The following UQCC1 variants were observed in gnomAD, a reference collection of about 807,000 sequenced individuals.
UQCC1 encodes the protein bFGF-repressed Zic-binding protein.
A neutral mutation model predicts 48.0 loss-of-function variants in UQCC1; 38 were observed. The ratio of observed to expected loss-of-function variants is 0.79; its 90% CI spans 0.61 to 1.04. The LOEUF (loss-of-function observed/expected upper bound fraction) is 1.04, where lower values mean the gene tolerates loss of function less well. UQCC1 is among the 50% of genes least tolerant of loss of function. UQCC1 has a pLI of 0.00. For missense variants in UQCC1, 368 were observed against 381.8 expected (o/e 0.96, Z 0.30); for synonymous variants, 111 against 129.2 (o/e 0.86, Z 0.95).
chr20:35,321,283 T>TGTGTGTGTGTGTGTGTGTGTGCGCGCGC (rs1389196330), intron 7 of UQCC1, among the ~76,000 whole-genome samples: 1 of 141,536 alleles, frequency 7.1e-6, no homozygotes, highest in African/African-American at 2.9e-5. Flanking sequence ...TGTGTGTGTG[T>TGTGTGTGTGTGTGTGTGTGTGCGCGCGC]GCGCGCGCGC....
intron 8 of UQCC1, among the ~76,000 whole-genome samples, chr20:35,310,754 G>A (rs191149279): frequency 0.02 from 2,774 of 137,762 alleles, 102 homozygotes; most frequent in African/African-American, 0.072. Flanking sequence ...GTGCAGTAGC[G>A]TGATCTCAGC....
chr20:35,400,582 G>A (rs913306273), intron 1 of UQCC1, among the ~76,000 whole-genome samples: 25 of 149,858 alleles, frequency 1.7e-4, no homozygotes, highest in South Asian at 8.5e-4. Context: ...TGCAAGCTCC[G>A]CCTCCCAGGT....
chr20:35,377,524 G>A (rs532650118), intron 4 of UQCC1, among the ~76,000 whole-genome samples: 5 of 152,302 alleles, frequency 3.3e-5, no homozygotes, highest in South Asian at 2.1e-4. Context: ...ATAATTCACT[G>A]AGTACATAAC....
chr20:35,366,671 A>C, intron 5 of UQCC1, 57 bp from the exon 6 acceptor site: 1 of 1,445,604 alleles, frequency 6.9e-7, no homozygotes, highest in South Asian at 1.2e-5. Context: ...CATATTGACC[A>C]TATATTAAAT....
chr20:35,402,089 T>C (rs935812965), intron 1 of UQCC1, among the ~76,000 whole-genome samples: 5 of 152,188 alleles, frequency 3.3e-5, no homozygotes, highest in Admixed American at 6.5e-5. Flanking sequence ...TGGCATGCTA[T>C]AATACAAAAG....
chr20:35,326,162 A>T (rs1352078716), intron 7 of UQCC1, among the ~76,000 whole-genome samples: 2 of 152,212 alleles, frequency 1.3e-5, no homozygotes, highest in Non-Finnish European at 2.9e-5. Context: ...AAACAATGTG[A>T]AGTGACAACA....
chr20:35,348,504 T>C (rs964112026), intron 6 of UQCC1, among the ~76,000 whole-genome samples: 3 of 151,896 alleles, frequency 2.0e-5, no homozygotes, highest in East Asian at 3.9e-4. Context: ...ATTCTCCTGC[T>C]TCAGCCTCCC....
In UQCC1 at chr20:35,410,587, C is replaced by T. The variant is rs148242244; in HGVS notation, c.24+1353G>A. ...GTGTGGTGTGGTGCATGCCTGTCAT[C>T]CCAGCTACTCGGGAGGCTGGCACAG... On this transcript the variant is annotated intron_variant, in intron 1 of 9. Transcript: ENST00000374385. Among the ~76,000 whole-genome samples the T allele has an allele frequency of 2.7e-3, 409 of 149,146 alleles. 2 individuals carry two copies. The highest frequency in any genetic ancestry group is 9.6e-3 in the African/African-American group (392 of 40,638).
At chr20:35,338,574 C>T (rs1215186389) in intron 7 of UQCC1, among the ~76,000 whole-genome samples, 11 of 151,454 alleles carry the variant, frequency 7.3e-5, no homozygotes, top group African/African-American at 2.7e-4. Context: ...GGGCCGGGCA[C>T]GGGGGCTCAT....
rs947889863 is a variant in UQCC1, at chr20:35,403,853, T to C, written c.24+8087A>G. On this transcript the variant is annotated intron_variant, in intron 1 of 9. Transcript: ENST00000374385. The stretch of plus-strand genomic sequence containing the variant: ...GCATGTTCTCACTCAGAGGTGGGAA[T>C]TGAACAATGAGAACACTTGGACACA... Among the ~76,000 whole-genome samples, 23 of 152,204 alleles carry C rather than the reference T, an allele frequency of 1.5e-4. No homozygotes were observed. The East Asian group carries it at 3.9e-3, about 26-fold the overall frequency.
At chr20:35,377,271 T>C (rs2146469650) in intron 4 of UQCC1, among the ~76,000 whole-genome samples, 1 of 152,342 alleles carries the variant, frequency 6.6e-6, no homozygotes, top group South Asian at 2.1e-4. Flanking sequence ...AATTCAACAC[T>C]GACAAATCAA....
chr20:35,373,506 C>G (rs868514072), intron 5 of UQCC1, among the ~76,000 whole-genome samples: 1 of 151,936 alleles, frequency 6.6e-6, no homozygotes, highest in Non-Finnish European at 1.5e-5. Flanking sequence ...TGGTGAAACC[C>G]CATGTCAACT....
At chr20:35,405,050 A>C in intron 1 of UQCC1, among the ~76,000 whole-genome samples, 1 of 152,172 alleles carries the variant, frequency 6.6e-6, no homozygotes, top group East Asian at 1.9e-4. Context: ...AATGTCTCTT[A>C]CTTGTGGTTG....
chr20:35,359,281 G>A lies in UQCC1; in HGVS notation c.464+7276C>T, dbSNP rs1457976705. Among the ~76,000 whole-genome samples the A allele has an allele frequency of 8.5e-5, 13 of 152,302 alleles. No homozygotes were observed. In the East Asian group the frequency reaches 2.5e-3, roughly 29 times the overall value. On this transcript the variant is annotated intron_variant, in intron 6 of 9. Coordinates refer to ENST00000374385, the MANE Select transcript of UQCC1 (RefSeq NM_018244.5). ...CAGAAAAGAAAACACACTCTGAAGA[G>A]GTTAAGTAACTTAAGGTTGCACGGT...
intron 6 of UQCC1, among the ~76,000 whole-genome samples, chr20:35,350,478 C>T (rs1253140965): frequency 1.3e-5 from 2 of 151,982 alleles, no homozygotes; most frequent in African/African-American, 4.8e-5. Flanking sequence ...CAGTGGATCA[C>T]CTGAGGTCAG....
chr20:35,350,394 C>G (rs1302098255), intron 6 of UQCC1, among the ~76,000 whole-genome samples: 2 of 152,172 alleles, frequency 1.3e-5, no homozygotes, highest in Non-Finnish European at 2.9e-5. Flanking sequence ...ACTCGGGTAT[C>G]TGACAGAAGG....
intron 7 of UQCC1, chr20:35,344,918 G>C (rs2061417292): frequency 6.6e-6 from 1 of 152,256 alleles, no homozygotes; most frequent in African/African-American, 2.4e-5. Context: ...CAGAGAGGCT[G>C]ACTGATTTCC....
intron 1 of UQCC1, among the ~76,000 whole-genome samples, chr20:35,410,730 C>A (rs1487796229): frequency 9.1e-4 from 16 of 17,564 alleles, no homozygotes; most frequent in East Asian, 1.8e-3. Context: ...AAAAACAAAA[C>A]CCTAAAGGGT....
intron 1 of UQCC1, among the ~76,000 whole-genome samples, chr20:35,410,628 C>T (rs534082406): frequency 7.0e-6 from 1 of 142,992 alleles, no homozygotes; most frequent in Admixed American, 7.4e-5. Context: ...TTGCTTGAAC[C>T]CGGGAGCAGA....
Sources: allele counts gnomAD v4.1 joint callset (sites outside exome capture counted in the v4.1 genomes callset), GRCh38; gene constraint gnomAD v4.1.1; transcripts MANE v1.5; gene names NCBI Gene and HGNC (gene_info 2026-07-23, HGNC 2026-07-21).